GRID1: variants seen among roughly 807,000 people sequenced by gnomAD.
The protein encoded by GRID1 is glutamate ionotropic receptor delta type subunit 1.
GRID1 carries 28 observed loss-of-function variants against 98.0 expected under a neutral mutation model. The ratio of observed to expected loss-of-function variants is 0.29; its 90% CI spans 0.21 to 0.39. The LOEUF is 0.39. Ranked by LOEUF, GRID1 falls within the 10% of genes least tolerant of loss-of-function variation. The pLI is 1.00. For synonymous variants in GRID1, 553 were observed against 538.5 expected (o/e 1.03, Z -0.37); for missense variants, 1,111 against 1,340.5 (o/e 0.83, Z 2.67).
At chr10:85,882,960 A>T (rs966649686) in intron 5 of GRID1, among the ~76,000 whole-genome samples, 2 of 151,920 alleles carry the variant, frequency 1.3e-5, no homozygotes, top group South Asian at 4.1e-4. Context: ...CTGAGTATGG[A>T]GTTTGATTTC....
chr10:85,958,957 C>CAAA (rs199786360), intron 4 of GRID1, among the ~76,000 whole-genome samples: 1,017 of 99,262 alleles, frequency 0.01, 13 homozygotes, highest in African/African-American at 0.036. Flanking sequence ...AACTCCGTCT[C>CAAA]AAAAAAAAAA....
chr10:85,828,377 G>T (rs1842838480), intron 8 of GRID1, among the ~76,000 whole-genome samples: 1 of 150,446 alleles, frequency 6.6e-6, no homozygotes, highest in African/African-American at 2.4e-5. Context: ...CATACCTAGA[G>T]AAATGAGAAA....
At chr10:86,065,545 C>T (rs1401600943) in intron 4 of GRID1, among the ~76,000 whole-genome samples, 1 of 152,250 alleles carries the variant, frequency 6.6e-6, no homozygotes, top group Non-Finnish European at 1.5e-5. Context: ...TGCTCTTTAC[C>T]TGTCTATTTC....
At chr10:85,838,092 C>T (rs1333325044) in intron 8 of GRID1, among the ~76,000 whole-genome samples, 2 of 152,092 alleles carry the variant, frequency 1.3e-5, no homozygotes, top group Non-Finnish European at 1.5e-5. Context: ...TGAAATAAGA[C>T]AGGCAGACAA....
chr10:86,301,651 T>C (rs1019058074), intron 2 of GRID1, among the ~76,000 whole-genome samples: 1 of 152,180 alleles, frequency 6.6e-6, no homozygotes, highest in Non-Finnish European at 1.5e-5. Context: ...GGCCCGAGAA[T>C]GAGAAAGCCA....
At chr10:86,361,141 A>G (rs1848596176) in intron 2 of GRID1, among the ~76,000 whole-genome samples, 1 of 152,200 alleles carries the variant, frequency 6.6e-6, no homozygotes, top group Non-Finnish European at 1.5e-5. Context: ...ATGGAAAAGC[A>G]CCCCACAGAG....
chr10:85,627,970 G>C (rs1842930941), intron 13 of GRID1, among the ~76,000 whole-genome samples: 1 of 152,274 alleles, frequency 6.6e-6, no homozygotes, highest in Admixed American at 6.5e-5. Flanking sequence ...CTCTGTGTGA[G>C]TAAGCAGTGT....
chr10:85,761,980 C>T (rs1394317267), intron 8 of GRID1, among the ~76,000 whole-genome samples: 1 of 152,226 alleles, frequency 6.6e-6, no homozygotes, highest in African/African-American at 2.4e-5. Flanking sequence ...GTAGTTTGCT[C>T]CTCTCCAATA....
At position 85,599,579 on chromosome 10, in the gene GRID1, T is replaced by G. The variant is rs1842540959; in HGVS notation, c.*2694A>C. The G allele has an allele frequency of 6.6e-6, 1 of 152,214 alleles. No individual in the cohort carries two copies. 9.4% of individuals were successfully genotyped at this position (152,214 alleles called of 1,614,324 possible). A position where few individuals can be genotyped will look rare whatever the true frequency, so the allele number is the denominator to read the frequency against. Reference sequence around the variant, plus strand: ...TATTATTAAACAACTTTAATCCAAATGCTGATTATTATTTGCAGTGTCTGA... The same window carrying G: ...TATTATTAAACAACTTTAATCCAAAGGCTGATTATTATTTGCAGTGTCTGA... On this transcript the variant is annotated 3_prime_UTR_variant, in exon 16 of 16. Coordinates refer to ENST00000327946, the MANE Select transcript of GRID1 (RefSeq NM_017551.3).
intron 12 of GRID1, among the ~76,000 whole-genome samples, chr10:85,654,544 A>T (rs1225075254): frequency 2.6e-5 from 4 of 152,164 alleles, no homozygotes; most frequent in Non-Finnish European, 5.9e-5. Context: ...GCTCTCTTCT[A>T]TCCTCTATGT....
At chr10:86,157,493 G>A (rs1845262583) in intron 3 of GRID1, among the ~76,000 whole-genome samples, 2 of 152,214 alleles carry the variant, frequency 1.3e-5, no homozygotes, top group African/African-American at 4.8e-5. Context: ...CATGCATGCT[G>A]GCGAGGCCCC....
rs370212216 is a variant in GRID1 at position 85,937,353 on chromosome 10, G to A, written c.727-21114C>T. The stretch of plus-strand genomic sequence containing the variant: ...GGGCCCATTTTCAGCAGGGGAAAAA[G>A]GTAGCACCTTCTGACTGGCCCCGGT... On this transcript the variant is annotated intron_variant, in intron 4 of 15. Transcript: ENST00000327946. Among the ~76,000 whole-genome samples, 408 of 152,342 alleles carry A rather than the reference G, an allele frequency of 2.7e-3. 2 individuals are homozygous for A. Among genetic ancestry groups the A allele is most frequent in the African/African-American group, 9.5e-3 (394 of 41,580 alleles).
At chr10:85,801,625 A>T (rs1430010526) in intron 8 of GRID1, among the ~76,000 whole-genome samples, 4 of 151,822 alleles carry the variant, frequency 2.6e-5, no homozygotes, top group Admixed American at 2.6e-4. Flanking sequence ...TGATAAAATT[A>T]TATTAGGAAT....
intron 4 of GRID1, among the ~76,000 whole-genome samples, chr10:85,976,669 T>A (rs543356419): frequency 2.0e-5 from 3 of 152,222 alleles, no homozygotes; most frequent in Non-Finnish European, 4.4e-5. Flanking sequence ...GCAGGAGACG[T>A]AGCCCTCGTC....
intron 4 of GRID1, among the ~76,000 whole-genome samples, chr10:85,961,686 T>C (rs1209039138): frequency 6.6e-6 from 1 of 151,788 alleles, no homozygotes; most frequent in Non-Finnish European, 1.5e-5. Flanking sequence ...CCTTCCTTTT[T>C]TCCTTCCCTG....
At chr10:85,974,839 G>A (rs189683748) in intron 4 of GRID1, among the ~76,000 whole-genome samples, 8 of 152,320 alleles carry the variant, frequency 5.3e-5, no homozygotes, top group Non-Finnish European at 1.5e-5. Context: ...TGCCCAGGCT[G>A]TTCTCAAACT....
intron 4 of GRID1, among the ~76,000 whole-genome samples, chr10:86,090,914 T>C (rs952681208): frequency 1.3e-5 from 2 of 152,184 alleles, no homozygotes; most frequent in African/African-American, 4.8e-5. Context: ...TTTCCGCCTT[T>C]ACCTGGAGCT....
At chr10:86,342,436 C>A (rs1260296623) in intron 2 of GRID1, among the ~76,000 whole-genome samples, 2 of 152,218 alleles carry the variant, frequency 1.3e-5, no homozygotes, top group Non-Finnish European at 2.9e-5. Flanking sequence ...CACACACACT[C>A]CACTATGTCC....
chr10:85,959,015 G>A (rs964010384), intron 4 of GRID1, among the ~76,000 whole-genome samples: 6 of 151,980 alleles, frequency 3.9e-5, no homozygotes, highest in South Asian at 2.1e-4. Context: ...CTGAGGAAGC[G>A]GGAACTTTGT....
Sources: allele counts gnomAD v4.1 joint callset (sites outside exome capture counted in the v4.1 genomes callset), GRCh38; gene constraint gnomAD v4.1.1; transcripts MANE v1.5; gene names NCBI Gene and HGNC (gene_info 2026-07-23, HGNC 2026-07-21).